Variants in MAGI2 observed in about 807,000 individuals in gnomAD.
MAGI2 encodes the protein membrane-associated guanylate kinase, WW and PDZ domain-containing protein 2.
Under a neutral mutation model 133.3 loss-of-function variants are expected in MAGI2, and 35 were observed. That is an observed-to-expected ratio of 0.26 (90% confidence interval 0.20 to 0.35). The LOEUF (loss-of-function observed/expected upper bound fraction) is 0.35. Ranked by LOEUF, MAGI2 falls within the 10% of genes least tolerant of loss-of-function variation. The probability of loss-of-function intolerance (pLI) is 1.00; values close to 1 mark genes in which losing one functional copy is unlikely to be tolerated. For synonymous variants in MAGI2, 729 were observed against 710.6 expected (o/e 1.03, Z -0.41); for missense variants, 1,636 against 1,863.4 (o/e 0.88, Z 2.25).
At position 78,046,411 on chromosome 7, in the gene MAGI2, C is replaced by CA. The variant is rs34472695; in HGVS notation, c.3707-26436dup. Among the ~76,000 whole-genome samples the CA allele has an allele frequency of 1.0e-3, 154 of 146,842 alleles. 1 individual carries two copies. Among genetic ancestry groups the CA allele is most frequent in the Admixed American group, 2.3e-3 (34 of 14,642 alleles). ...AGCGAGACTCTGTCTCAAAAAAAAA[C>CA]AAAAAAAAAACAAAGGAATGTGTCC... On this transcript the variant is annotated intron_variant, in intron 21 of 21. Coordinates refer to ENST00000354212, the MANE Select transcript of MAGI2 (RefSeq NM_012301.4).
intron 1 of MAGI2, among the ~76,000 whole-genome samples, chr7:79,206,384 G>A (rs910548711): frequency 4.0e-5 from 6 of 151,578 alleles, no homozygotes; most frequent in Admixed American, 2.6e-4. Flanking sequence ...AAATAAAAAA[G>A]AGACATTACA....
rs563445327 is a variant in MAGI2, at chr7:78,214,605, C to CT, written c.2048-13413dup. 4.6e-5 allele frequency among the ~76,000 whole-genome samples: 7 copies of CT among 152,206 alleles called. No individual in the cohort carries two copies. The South Asian group carries it at 1.5e-3, about 32-fold the overall frequency. ...TTGGTCTACAAATCTAGATCTTTTACTTTTTAAAAGTAAGATCTGGAATAT... is the reference window on the plus strand; with the variant it reads ...TTGGTCTACAAATCTAGATCTTTTACTTTTTTAAAAGTAAGATCTGGAATAT... On this transcript the variant is annotated intron_variant, in intron 10 of 21. Transcript: ENST00000354212.
At chr7:78,211,877 C>T (rs1261660003) in intron 10 of MAGI2, among the ~76,000 whole-genome samples, 1 of 152,116 alleles carries the variant, frequency 6.6e-6, no homozygotes, top group Non-Finnish European at 1.5e-5. Context: ...TTTTGATTTG[C>T]TTTATCTTTT....
chr7:79,014,190 CT>C (rs1217804966), intron 1 of MAGI2, among the ~76,000 whole-genome samples: 8 of 151,980 alleles, frequency 5.3e-5, no homozygotes, highest in Admixed American at 1.3e-4. Flanking sequence ...TTGAAAATAG[CT>C]TTTTTATTAT....
At chr7:78,512,022 C>CTGAGGCAGGTGAATGGCG (rs1305557353) in intron 4 of MAGI2, among the ~76,000 whole-genome samples, 1 of 151,608 alleles carries the variant, frequency 6.6e-6, no homozygotes, top group African/African-American at 2.4e-5. Context: ...ACTAGGGAGG[C>CTGAGGCAGGTGAATGGCG]TGAGGCAGGT....
At chr7:78,580,431 A>G (rs1802717361) in intron 3 of MAGI2, among the ~76,000 whole-genome samples, 1 of 152,170 alleles carries the variant, frequency 6.6e-6, no homozygotes, top group Admixed American at 6.5e-5. Flanking sequence ...CAACTCACAA[A>G]TGTTATCTGA....
intron 2 of MAGI2, among the ~76,000 whole-genome samples, chr7:78,866,472 T>A (rs1487117110): frequency 6.6e-6 from 1 of 152,074 alleles, no homozygotes; most frequent in Non-Finnish European, 1.5e-5. Flanking sequence ...TCATGTGAAA[T>A]TAAGAAGACC....
chr7:78,737,839 T>TA (rs985202022), intron 2 of MAGI2, among the ~76,000 whole-genome samples: 4 of 152,188 alleles, frequency 2.6e-5, no homozygotes, highest in African/African-American at 9.6e-5. Flanking sequence ...GACCCACATT[T>TA]AAAAAAATAT....
At chr7:79,360,040 T>C (rs1842285353) in intron 1 of MAGI2, among the ~76,000 whole-genome samples, 1 of 152,252 alleles carries the variant, frequency 6.6e-6, no homozygotes, top group Admixed American at 6.5e-5. Context: ...GAATTATCCA[T>C]TTCAAAAAAA....
At chr7:79,141,936 A>T (rs755448026) in intron 1 of MAGI2, among the ~76,000 whole-genome samples, 1 of 152,196 alleles carries the variant, frequency 6.6e-6, no homozygotes, top group African/African-American at 2.4e-5. Flanking sequence ...ATGTAGACTA[A>T]TATTAGTCTT....
chr7:78,475,075 T>C (rs1397458256), intron 6 of MAGI2, among the ~76,000 whole-genome samples: 1 of 151,962 alleles, frequency 6.6e-6, no homozygotes. Context: ...ACATATTCTA[T>C]CAACATACCA....
At chr7:78,711,171 A>G (rs751326503) in intron 2 of MAGI2, among the ~76,000 whole-genome samples, 10 of 152,166 alleles carry the variant, frequency 6.6e-5, no homozygotes, top group Admixed American at 1.3e-4. Flanking sequence ...TACGTATATA[A>G]TTAATTAGAC....
intron 1 of MAGI2, among the ~76,000 whole-genome samples, chr7:79,388,644 T>G (rs1844372792): frequency 6.6e-6 from 1 of 151,746 alleles, no homozygotes; most frequent in Admixed American, 6.6e-5. Context: ...TTGACAATAA[T>G]GAATCTTACA....
Position 78,903,172 on chromosome 7 carries a change from C to CTTTTTTTTTTTTTTTTTTTTTTTTTTT in MAGI2, c.418+103891_418+103917dup, listed in dbSNP as rs10526268. On this transcript the variant is annotated intron_variant, in intron 2 of 21. Transcript: ENST00000354212. ...TTCATGCAAGTGGGAGTTCCTGAATCTTTTTTTTTTTTTTTTTTTTTTTTT... is the reference window on the plus strand; with the variant it reads ...TTCATGCAAGTGGGAGTTCCTGAATCTTTTTTTTTTTTTTTTTTTTTTTTTTTTTTTTTTTTTTTTTTTTTTTTTTTT... Among the ~76,000 whole-genome samples, 2 of 56,082 alleles carry CTTTTTTTTTTTTTTTTTTTTTTTTTTT rather than the reference C, an allele frequency of 3.6e-5. 1 individual carries two copies. The highest frequency in any genetic ancestry group is 6.5e-5 in the Non-Finnish European group (2 of 30,842). 36.8% of individuals were successfully genotyped at this position (56,082 alleles called of 152,430 possible). A position where few individuals can be genotyped will look rare whatever the true frequency, so the allele number is the denominator to read the frequency against.
chr7:78,706,558 T>C (rs1818669457), intron 2 of MAGI2, among the ~76,000 whole-genome samples: 2 of 152,124 alleles, frequency 1.3e-5, no homozygotes, highest in South Asian at 4.1e-4. Context: ...ACAAAACCAA[T>C]ATATTTGTAT....
At chr7:78,651,439 C>T (rs998961753) in intron 2 of MAGI2, among the ~76,000 whole-genome samples, 20 of 152,014 alleles carry the variant, frequency 1.3e-4, no homozygotes, top group Non-Finnish European at 2.4e-4. Flanking sequence ...CCCACTGAAG[C>T]ACCCCCTGTG....
At chr7:78,083,467 G>A (rs554588922) in intron 20 of MAGI2, among the ~76,000 whole-genome samples, 150 of 148,652 alleles carry the variant, frequency 1.0e-3, no homozygotes, top group Non-Finnish European at 1.9e-3. Flanking sequence ...ACCAGATAAA[G>A]GTAATTCAGG....
At chr7:78,741,419 ACACACACAC>A (rs1822419363) in intron 2 of MAGI2, among the ~76,000 whole-genome samples, 22 of 117,148 alleles carry the variant, frequency 1.9e-4, no homozygotes, top group Admixed American at 8.1e-5. Context: ...ACACACACAC[ACACACACAC>A]GGGAGGGGGG....
intron 11 of MAGI2, 90 bp from the exon 12 acceptor site, chr7:78,195,153 T>C (rs986514449): frequency 9.2e-7 from 1 of 1,082,408 alleles, no homozygotes; most frequent in Non-Finnish European, 1.3e-6. Context: ...TTTTGCCTTG[T>C]GGACTTTTCT....
Sources: gnomAD v4.1 joint callset for allele counts (sites outside exome capture counted in the v4.1 genomes callset) on GRCh38, gnomAD v4.1.1 for gene constraint, MANE v1.5 for transcripts, NCBI Gene and HGNC (gene_info 2026-07-23, HGNC 2026-07-21) for gene names.